The following CCDC3 variants were observed in gnomAD, a reference collection of about 807,000 sequenced individuals.
CCDC3 encodes the protein coiled-coil domain-containing protein 3.
In CCDC3, 24 loss-of-function variants were observed where a neutral mutation model predicts 21.4. The ratio of observed to expected loss-of-function variants is 1.12; its 90% CI spans 0.81 to 1.58. The LOEUF (loss-of-function observed/expected upper bound fraction) is 1.58. CCDC3 is among the 40% of genes most tolerant of loss of function. The pLI, the probability that CCDC3 is intolerant of heterozygous loss-of-function variation, is 0.00. For missense variants in CCDC3, 425 were observed against 360.9 expected (o/e 1.18, Z -1.44); for synonymous variants, 186 against 166.0 (o/e 1.12, Z -0.93).
At chr10:12,990,808 C>T (rs1835669585) in intron 2 of CCDC3, among the ~76,000 whole-genome samples, 1 of 152,204 alleles carries the variant, frequency 6.6e-6, no homozygotes, top group African/African-American at 2.4e-5. Context: ...GTTATGAAAT[C>T]ATGCATGAGT....
At chr10:13,044,810 T>C (rs1836502468) in intron 5 of CCDC3, among the ~76,000 whole-genome samples, 1 of 152,222 alleles carries the variant, frequency 6.6e-6, no homozygotes, top group African/African-American at 2.4e-5. Flanking sequence ...AGCTTTTTTT[T>C]CTAATTTTGT....
chr10:12,909,420 G>A (rs1834229802), intron 2 of CCDC3, among the ~76,000 whole-genome samples: 1 of 152,146 alleles, frequency 6.6e-6, no homozygotes, highest in South Asian at 2.1e-4. Context: ...TGGGGCACCC[G>A]GGGGCCATGC....
At chr10:12,986,545 C>A (rs373295033) in intron 2 of CCDC3, among the ~76,000 whole-genome samples, 1 of 152,134 alleles carries the variant, frequency 6.6e-6, no homozygotes, top group Non-Finnish European at 1.5e-5. Context: ...GAGGCCAAGG[C>A]GGGCGGATCA....
At chr10:13,095,300 G>T (rs979684358) in intron 3 of CCDC3, among the ~76,000 whole-genome samples, 20 of 152,168 alleles carry the variant, frequency 1.3e-4, no homozygotes, top group African/African-American at 4.8e-4. Context: ...TCAACCATAG[G>T]GCAGATGATT....
intron 4 of CCDC3, among the ~76,000 whole-genome samples, chr10:13,073,656 G>A (rs12772004): frequency 0.11 from 16,162 of 151,890 alleles, 951 homozygotes; most frequent in Non-Finnish European, 0.14. Flanking sequence ...CACCACGTTC[G>A]GCTAATTTTT....
At chr10:13,072,415 G>A (rs1313555607) in intron 4 of CCDC3, among the ~76,000 whole-genome samples, 3 of 152,196 alleles carry the variant, frequency 2.0e-5, no homozygotes, top group African/African-American at 7.2e-5. Flanking sequence ...GAATAAGACA[G>A]CCAAATGCCT....
chr10:12,933,570 G>A (rs79335561), intron 2 of CCDC3, among the ~76,000 whole-genome samples: 1 of 150,930 alleles, frequency 6.6e-6, no homozygotes, highest in Non-Finnish European at 1.5e-5. Flanking sequence ...AGAGTCTTGT[G>A]CCTCAGCCAC....
intron 4 of CCDC3, among the ~76,000 whole-genome samples, chr10:13,071,443 C>T (rs1836881592): frequency 6.6e-6 from 1 of 152,238 alleles, no homozygotes; most frequent in South Asian, 2.1e-4. Context: ...CTAATTCCTG[C>T]TGCTTAAGCC....
chr10:13,088,568 T>A (rs1220887290), intron 3 of CCDC3, among the ~76,000 whole-genome samples: 2 of 152,160 alleles, frequency 1.3e-5, no homozygotes, highest in Non-Finnish European at 2.9e-5. Flanking sequence ...AAGCTGTAGA[T>A]GGCACACTGC....
Position 13,001,319 on chromosome 10 carries a change from G to C in CCDC3, c.252C>G (p.Asp84Glu). The C allele has an allele frequency of 6.2e-7, 1 of 1,606,460 alleles. No homozygotes were observed. The highest frequency in any genetic ancestry group is 8.5e-7 in the Non-Finnish European group (1 of 1,177,684). The part of the protein sequence containing the change: ...FYSAEVEMLC[D>E]QAWGSMLEVP... ...CCTCCAGCATGCTGCCCCACGCCTGGTCGCACAGCATCTCGACCTCGGCCG... is the reference window on the plus strand; with the variant it reads ...CCTCCAGCATGCTGCCCCACGCCTGCTCGCACAGCATCTCGACCTCGGCCG... Residue 84 changes from aspartate (D) to glutamate (E), a missense_variant, in exon 1 of 3, where the codon GAC becomes GAG. Physicochemically the swap from Asp to Glu is conservative, Grantham distance 45 (BLOSUM62 2). Coordinates refer to ENST00000378825, the MANE Select transcript of CCDC3 (RefSeq NM_031455.4).
At chr10:13,012,536 T>A (rs2131399471) in intron 5 of CCDC3, among the ~76,000 whole-genome samples, 1 of 151,978 alleles carries the variant, frequency 6.6e-6, no homozygotes, top group Non-Finnish European at 1.5e-5. Context: ...AGTCAAAATA[T>A]AACAGATGCT....
intron 2 of CCDC3, among the ~76,000 whole-genome samples, chr10:12,962,243 G>A (rs991514227): frequency 3.9e-5 from 6 of 152,300 alleles, no homozygotes; most frequent in East Asian, 1.9e-4. Flanking sequence ...AACACGTAAC[G>A]ATCAGTAAGC....
At chr10:13,095,288 G>A (rs2131457753) in intron 3 of CCDC3, among the ~76,000 whole-genome samples, 1 of 152,320 alleles carries the variant, frequency 6.6e-6, no homozygotes, top group South Asian at 2.1e-4. Context: ...TCCAGACCAA[G>A]GTCAACCATA....
chr10:13,002,702 T>G (rs1835874568), upstream of CCDC3, among the ~76,000 whole-genome samples: 1 of 152,206 alleles, frequency 6.6e-6, no homozygotes, highest in Non-Finnish European at 1.5e-5. Context: ...TTATGCAATT[T>G]CATAATGCTA....
At chr10:12,982,916 C>A (rs369518034) in intron 2 of CCDC3, among the ~76,000 whole-genome samples, 89 of 149,858 alleles carry the variant, frequency 5.9e-4, no homozygotes, top group African/African-American at 1.9e-3. Context: ...AGTTTGAGAC[C>A]AGCCTGGCCA....
intron 2 of CCDC3, among the ~76,000 whole-genome samples, chr10:12,976,179 T>C (rs1164416532): frequency 6.6e-6 from 1 of 152,048 alleles, no homozygotes; most frequent in African/African-American, 2.4e-5. Context: ...TCCCCTAAGA[T>C]GGGTGGGCAG....
intron 1 of CCDC3, 70 bp from the exon 2 acceptor site, chr10:12,998,582 A>T (rs1189443705): frequency 1.2e-5 from 18 of 1,454,342 alleles, no homozygotes; most frequent in Middle Eastern, 1.8e-4. Context: ...ATCCAGAGTC[A>T]CAGACAACTG....
chr10:12,968,202 T>TATACACACACACAC lies in CCDC3; in HGVS notation c.549+30135_549+30136insGTGTGTGTGTGTAT, dbSNP rs145144914. On this transcript the variant is annotated intron_variant, in intron 2 of 2. Coordinates refer to ENST00000378825, the MANE Select transcript of CCDC3 (RefSeq NM_031455.4). ...AAAAGAAAATACAAACACACACACA[T>TATACACACACACAC]ACACACACACACACACACACACAGA... Among the ~76,000 whole-genome samples, 4 of 143,586 alleles carry TATACACACACACAC rather than the reference T, an allele frequency of 2.8e-5. No homozygotes were observed. The South Asian group carries it at 6.8e-4, about 24-fold the overall frequency. The allele number at this position is 143,586 out of a possible 152,430, so 94.2% of individuals were successfully genotyped here. A position where few individuals can be genotyped will look rare whatever the true frequency, so the allele number is the denominator to read the frequency against.
chr10:12,977,043 G>T (rs190101869), intron 2 of CCDC3, among the ~76,000 whole-genome samples: 11 of 152,314 alleles, frequency 7.2e-5, no homozygotes, highest in African/African-American at 2.6e-4. Context: ...GGAGGCCAAG[G>T]TGGGCAGATC....
Sources: gnomAD v4.1 joint callset for allele counts (sites outside exome capture counted in the v4.1 genomes callset) on GRCh38, gnomAD v4.1.1 for gene constraint, MANE v1.5 for transcripts, NCBI Gene and HGNC (gene_info 2026-07-23, HGNC 2026-07-21) for gene names.